The following CCDC62 variants were observed in gnomAD, a reference collection of about 807,000 sequenced individuals.
CCDC62 encodes the protein coiled-coil domain containing 62.
In CCDC62, 72 loss-of-function variants were observed where a neutral mutation model predicts 80.8. That is an observed-to-expected ratio of 0.89 (90% CI 0.74 to 1.08). The LOEUF is 1.08. Among genes scored for constraint, CCDC62 ranks in the 50% least tolerant of loss-of-function variants. The pLI is 0.00. For synonymous variants in CCDC62, 286 were observed against 296.5 expected, an observed-to-expected ratio of 0.96 and a Z score of 0.36; for missense variants, 704 against 809.4, an observed-to-expected ratio of 0.87 and a Z score of 1.58.
chr12:122,813,726 AGCTCATT>A (rs1283635651), intron 11 of CCDC62, among the ~76,000 whole-genome samples: 1 of 152,072 alleles, frequency 6.6e-6, no homozygotes, highest in African/African-American at 2.4e-5. Context: ...GCACGATCTC[AGCTCATT>A]GCAACCTCCA....
At chr12:122,799,236 C>T (rs1248769978) in intron 8 of CCDC62, among the ~76,000 whole-genome samples, 1 of 152,152 alleles carries the variant, frequency 6.6e-6, no homozygotes, top group Non-Finnish European at 1.5e-5. Context: ...ACCTGATTTT[C>T]CCTTCTGTTG....
intron 3 of CCDC62, among the ~76,000 whole-genome samples, chr12:122,783,253 A>C (rs1593783069): frequency 7.3e-6 from 1 of 136,252 alleles, no homozygotes; most frequent in South Asian, 2.3e-4. Context: ...CCTGAGACGG[A>C]GTCTCGTTCT....
chr12:122,775,151 A>C (rs959254839), intron 1 of CCDC62, among the ~76,000 whole-genome samples: 1 of 151,420 alleles, frequency 6.6e-6, no homozygotes, highest in Non-Finnish European at 1.5e-5. Flanking sequence ...CGGCGTCACG[A>C]CCGTTTCCTT....
At chr12:122,792,166 A>T in intron 6 of CCDC62, 45 bp downstream of exon 6, 4 of 1,051,166 alleles carry the variant, frequency 3.8e-6, no homozygotes, top group African/African-American at 1.6e-5. Context: ...ACTTGCAATG[A>T]TGACAGGCTG....
At chr12:122,775,560 A>C (rs981563313) in intron 1 of CCDC62, among the ~76,000 whole-genome samples, 1 of 152,142 alleles carries the variant, frequency 6.6e-6, no homozygotes. Context: ...AAATCCCTTG[A>C]CTCCAAATTC....
At chr12:122,813,723 C>T (rs945374969) in intron 11 of CCDC62, among the ~76,000 whole-genome samples, 9 of 152,116 alleles carry the variant, frequency 5.9e-5, no homozygotes, top group Non-Finnish European at 1.3e-4. Flanking sequence ...GTGGCACGAT[C>T]TCAGCTCATT....
At chr12:122,818,992 A>G (rs531679363) in intron 11 of CCDC62, among the ~76,000 whole-genome samples, 2 of 152,306 alleles carry the variant, frequency 1.3e-5, no homozygotes, top group African/African-American at 4.8e-5. Flanking sequence ...CCAACCTTAC[A>G]TTTTACAGGA....
chr12:122,820,462 T>G (rs2032356039), intron 11 of CCDC62, among the ~76,000 whole-genome samples: 1 of 152,188 alleles, frequency 6.6e-6, no homozygotes, highest in African/African-American at 2.4e-5. Flanking sequence ...TGGTGTTACC[T>G]GTCGGGGCTC....
intron 4 of CCDC62, among the ~76,000 whole-genome samples, chr12:122,787,378 G>A (rs1416349987): frequency 6.6e-6 from 1 of 151,824 alleles, no homozygotes; most frequent in Non-Finnish European, 1.5e-5. Flanking sequence ...CGGAAGCCGG[G>A]AGGTGGAGGT....
At position 122,801,648 on chromosome 12, in the gene CCDC62, A is replaced by G. The variant is rs776798019; in HGVS notation, c.1502A>G (p.Asn501Ser). 2.6e-5 allele frequency: 42 copies of G among 1,614,072 alleles called. No homozygotes were observed. Among genetic ancestry groups the G allele is most frequent in the Non-Finnish European group, 3.4e-5 (40 of 1,180,040 alleles). ...ERSEISCCQK[N>S]EACLGESGMC... The stretch of plus-strand genomic sequence containing the variant: ...TCCGAAATCTCATGCTGCCAGAAAA[A>G]TGAAGCCTGTCTGGGCGAAAGTGGC... Residue 501 changes from asparagine (N) to serine (S), a missense_variant, in exon 9 of 13, where the codon AAT (asparagine) becomes AGT (serine). Coordinates refer to ENST00000253079, the MANE Select transcript of CCDC62 (RefSeq NM_201435.5).
chr12:122,778,112 A>G (rs1003785123), intron 2 of CCDC62, among the ~76,000 whole-genome samples: 2 of 152,112 alleles, frequency 1.3e-5, no homozygotes, highest in Non-Finnish European at 2.9e-5. Flanking sequence ...CACACCTGTA[A>G]TTCCAGCACT....
At chr12:122,808,994 T>A (rs1284698101) in intron 10 of CCDC62, among the ~76,000 whole-genome samples, 1 of 152,140 alleles carries the variant, frequency 6.6e-6, no homozygotes, top group Non-Finnish European at 1.5e-5. Context: ...TAACTTTCAT[T>A]CCCCTAATGA....
At chr12:122,786,053 T>A (rs945960370) in intron 4 of CCDC62, among the ~76,000 whole-genome samples, 2 of 152,252 alleles carry the variant, frequency 1.3e-5, no homozygotes, top group African/African-American at 4.8e-5. Context: ...GCCCATTCTG[T>A]GGGCTGGCAG....
chr12:122,801,622 G>T lies in CCDC62; in HGVS notation c.1476G>T (p.Arg492Ser). The T allele has an allele frequency of 1.9e-6, 3 of 1,614,162 alleles. No homozygotes were observed. Among genetic ancestry groups the T allele is most frequent in the Non-Finnish European group, 2.5e-6 (3 of 1,180,034 alleles). Residue 492 changes from arginine (R) to serine (S), a missense_variant, in exon 9 of 13, where the codon AGG becomes AGT. Coordinates refer to ENST00000253079, the MANE Select transcript of CCDC62 (RefSeq NM_201435.5). ...LDVECQDQME[R>S]SEISCCQKNE... ...TAGAATGTCAAGATCAGATGGAAAG[G>T]TCCGAAATCTCATGCTGCCAGAAAA... is the stretch of plus-strand genomic sequence containing the variant.
At chr12:122,796,896 T>A (rs78443826) in intron 6 of CCDC62, among the ~76,000 whole-genome samples, 1 of 140,130 alleles carries the variant, frequency 7.1e-6, no homozygotes, top group Non-Finnish European at 1.5e-5. Flanking sequence ...TTTTTTTTTT[T>A]AAGACAAAGT....
At chr12:122,822,729 T>G (rs189539149) in intron 11 of CCDC62, among the ~76,000 whole-genome samples, 2 of 151,712 alleles carry the variant, frequency 1.3e-5, no homozygotes, top group Non-Finnish European at 2.9e-5. Context: ...CAGGCAGTAT[T>G]TGTCTTTCTG....
At chr12:122,779,907 C>CAAAAAAAAAAAAAAAAAAAAAAAAAA (rs35466260) in intron 2 of CCDC62, among the ~76,000 whole-genome samples, 2 of 63,518 alleles carry the variant, frequency 3.1e-5, no homozygotes, top group Non-Finnish European at 5.3e-5. Context: ...GACTCTGTCT[C>CAAAAAAAAAAAAAAAAAAAAAAAAAA]AAAAAAAAAA....
In CCDC62 at chr12:122,826,660, A is replaced by G. The variant is rs2032643746; in HGVS notation, c.*279A>G. ...ATTGTACATATAGAAAGTTGGAATTATGCTAAGAATGAAAAAGACTTCTCT... is the reference window on the plus strand; with the variant it reads ...ATTGTACATATAGAAAGTTGGAATTGTGCTAAGAATGAAAAAGACTTCTCT... On this transcript the variant is annotated 3_prime_UTR_variant, in exon 13 of 13. Coordinates refer to ENST00000253079, the MANE Select transcript of CCDC62 (RefSeq NM_201435.5). 2.3e-6 allele frequency: 1 copy of G among 441,514 alleles called. No homozygotes were observed. Among genetic ancestry groups the G allele is most frequent in the African/African-American group, 2.0e-5 (1 of 49,836 alleles). The allele number at this position is 441,514 out of a possible 1,614,324, so 27.3% of individuals were successfully genotyped here. A position where few individuals can be genotyped will look rare whatever the true frequency, so the allele number is the denominator to read the frequency against.
At chr12:122,790,592 G>C (rs951798163) in intron 5 of CCDC62, among the ~76,000 whole-genome samples, 1 of 152,132 alleles carries the variant, frequency 6.6e-6, no homozygotes, top group Non-Finnish European at 1.5e-5. Context: ...AGGAGGTGGA[G>C]GTTGCAGTGA....
Sources: allele counts gnomAD v4.1 joint callset (sites outside exome capture counted in the v4.1 genomes callset), GRCh38; gene constraint gnomAD v4.1.1; transcripts MANE v1.5; gene names NCBI Gene and HGNC (gene_info 2026-07-23, HGNC 2026-07-21).